The following PIGW variants were observed in gnomAD, a reference collection of about 807,000 sequenced individuals.
PIGW encodes glucosaminyl-phosphatidylinositol-acyltransferase PIGW.
PIGW carries 23 observed loss-of-function variants against 34.0 expected under a neutral mutation model. The observed-to-expected ratio is 0.68, with a 90% CI of 0.49 to 0.96. The LOEUF is 0.96. Among genes scored for constraint, PIGW ranks in the 40% least tolerant of loss-of-function variants. PIGW has a pLI of 0.00. For missense variants in PIGW, 574 were observed against 586.3 expected (o/e 0.98, Z 0.22); for synonymous variants, 225 against 225.2 (o/e 1.00, Z 0.01).
intron 1 of PIGW, 38 bp from the exon 2 acceptor site, chr17:36,537,056 C>T (rs760391835): frequency 2.0e-6 from 3 of 1,503,956 alleles, no homozygotes; most frequent in South Asian, 2.6e-5. Flanking sequence ...AAGAATGCTG[C>T]TTTTCACAAA....
In PIGW at chr17:36,537,027, C is replaced by T. The variant is rs2074148704; in HGVS notation, c.-8-67C>T. On this transcript the variant is annotated intron_variant, in intron 1 of 1. Coordinates refer to ENST00000614443, the MANE Select transcript of PIGW (RefSeq NM_001346754.2). ...ATCTAGTAATAAGAGTAAAATTAAGCCAGGTATGCTAATTACACAAGAATG... is the reference window on the plus strand; with the variant it reads ...ATCTAGTAATAAGAGTAAAATTAAGTCAGGTATGCTAATTACACAAGAATG... 11 of 1,360,728 alleles carry T rather than the reference C, an allele frequency of 8.1e-6. No homozygotes were observed. The South Asian group carries it at 1.6e-4, about 19-fold the overall frequency. The allele number at this position is 1,360,728 out of a possible 1,614,324, so 84.3% of individuals were successfully genotyped here. A position where few individuals can be genotyped will look rare whatever the true frequency, so the allele number is the denominator to read the frequency against.
At position 36,537,649 on chromosome 17, in the gene PIGW, T is replaced by G. The variant is rs747305142; in HGVS notation, c.548T>G (p.Leu183Arg). ...GFVFGSAMVC[L>R]EVRRRKYMEG... ...GTTTTTGGGTCTGCAATGGTTTGTC[T>G]AGAGGTCAGGAGGAGAAAATATATG... The change falls in exon 2 of 2, where the codon CTA (leucine) becomes CGA (arginine). Residue 183 changes from leucine (L) to arginine (R), a missense_variant. Physicochemically the swap from Leu to Arg is moderately radical, Grantham distance 102. Transcript: ENST00000614443. 57 of 1,614,092 alleles carry G rather than the reference T, an allele frequency of 3.5e-5. No individual in the cohort carries two copies. The South Asian group carries it at 5.9e-4, about 17-fold the overall frequency.
Sources: allele counts gnomAD v4.1 joint callset, GRCh38; gene constraint gnomAD v4.1.1; transcripts MANE v1.5; gene names NCBI Gene and HGNC (gene_info 2026-07-23, HGNC 2026-07-21).